C1orf105: variants seen among roughly 807,000 people sequenced by gnomAD.
The protein encoded by C1orf105 is chromosome 1 open reading frame 105.
A neutral mutation model predicts 20.8 loss-of-function variants in C1orf105; 17 were observed. The ratio of observed to expected loss-of-function variants is 0.82; its 90% confidence interval spans 0.56 to 1.23. The LOEUF is 1.23. Among genes scored for constraint, C1orf105 ranks in the 50% most tolerant of loss-of-function variants. C1orf105 has a pLI of 0.00. For missense variants in C1orf105, 219 were observed against 213.5 expected, an observed-to-expected ratio of 1.03 and a Z score of -0.16; for synonymous variants, 72 against 72.1, an observed-to-expected ratio of 1.00 and a Z score of 0.01.
At chr1:172,455,103 C>T (rs937929885) in intron 3 of C1orf105, among the ~76,000 whole-genome samples, 1 of 152,180 alleles carries the variant, frequency 6.6e-6, no homozygotes, top group African/African-American at 2.4e-5. Context: ...CAACCCACAA[C>T]ATTGTAATAC....
intron 1 of C1orf105, among the ~76,000 whole-genome samples, chr1:172,427,594 C>T (rs2071755319): frequency 6.6e-6 from 1 of 152,196 alleles, no homozygotes; most frequent in African/African-American, 2.4e-5. Context: ...CAAAAACCTG[C>T]TCTTTTAAAT....
chr1:172,433,571 C>T (rs570846314), intron 1 of C1orf105, among the ~76,000 whole-genome samples: 1 of 152,166 alleles, frequency 6.6e-6, no homozygotes, highest in Non-Finnish European at 1.5e-5. Context: ...GTTGTCACCA[C>T]CAGGCCTGCC....
At chr1:172,433,432 G>C (rs2071934660) in intron 1 of C1orf105, among the ~76,000 whole-genome samples, 1 of 152,190 alleles carries the variant, frequency 6.6e-6, no homozygotes, top group Non-Finnish European at 1.5e-5. Flanking sequence ...AGCCAGAAGA[G>C]AGTGGGGGCC....
intron 5 of C1orf105, among the ~76,000 whole-genome samples, chr1:172,462,939 ATT>A (rs5778735): frequency 1.4e-4 from 21 of 150,698 alleles, no homozygotes; most frequent in East Asian, 3.9e-4. Context: ...TGCCTGGCTA[ATT>A]TTTTTTTTTC....
intron 2 of C1orf105, among the ~76,000 whole-genome samples, chr1:172,447,754 C>A (rs1368510301): frequency 6.6e-6 from 1 of 152,224 alleles, no homozygotes; most frequent in Non-Finnish European, 1.5e-5. Flanking sequence ...CCCGGCAAAA[C>A]TGCCAGCATT....
chr1:172,449,064 C>T (rs1648321837), intron 3 of C1orf105, among the ~76,000 whole-genome samples: 1 of 152,144 alleles, frequency 6.6e-6, no homozygotes, highest in Non-Finnish European at 1.5e-5. Context: ...GTGAGATAAG[C>T]AATTTTTTCA....
At chr1:172,437,728 TATAATA>T (rs71111014) in intron 1 of C1orf105, among the ~76,000 whole-genome samples, 7,935 of 144,008 alleles carry the variant, frequency 0.055, 265 homozygotes, top group Middle Eastern at 0.13. Flanking sequence ...GAACTTAAAG[TATAATA>T]ATAATAATAA....
At chr1:172,464,390 A>G (rs1649896075) in intron 5 of C1orf105, among the ~76,000 whole-genome samples, 1 of 152,252 alleles carries the variant, frequency 6.6e-6, no homozygotes. Context: ...AGCAGAAACC[A>G]TGAAATGAAT....
rs59822239 is a variant in C1orf105, at chr1:172,438,126, GA to G, written c.22-6937del. On this transcript the variant is annotated intron_variant, in intron 1 of 6. Transcript: ENST00000367727. The stretch of plus-strand genomic sequence containing the variant: ...AGCCGAGTGTTGAGCCTACTGCTCA[GA>G]AAAAAAAAAGATTCCTTTCAAAATA... Among the ~76,000 whole-genome samples, 143 of 148,648 alleles carry G rather than the reference GA, an allele frequency of 9.6e-4. 1 individual carries two copies. Among genetic ancestry groups the G allele is most frequent in the African/African-American group, 3.2e-3 (133 of 40,966 alleles).
intron 3 of C1orf105, 97 bp downstream of exon 3, chr1:172,448,628 T>A: frequency 8.4e-6 from 6 of 713,780 alleles, no homozygotes; most frequent in Non-Finnish European, 1.5e-5. Context: ...GCCCTGTGCT[T>A]GGTACACCAT....
chr1:172,452,013 C>T (rs1369736828), intron 3 of C1orf105, among the ~76,000 whole-genome samples: 1 of 151,638 alleles, frequency 6.6e-6, no homozygotes, highest in African/African-American at 2.4e-5. Flanking sequence ...GCTGGGATTA[C>T]AGGCGCATGC....
intron 2 of C1orf105, among the ~76,000 whole-genome samples, chr1:172,446,763 G>A (rs1648053451): frequency 6.6e-6 from 1 of 152,082 alleles, no homozygotes; most frequent in Non-Finnish European, 1.5e-5. Flanking sequence ...GGCAGCACCT[G>A]TTCACTTTCA....
At chr1:172,434,523 A>T (rs1311862558) in intron 1 of C1orf105, among the ~76,000 whole-genome samples, 1 of 152,240 alleles carries the variant, frequency 6.6e-6, no homozygotes, top group Non-Finnish European at 1.5e-5. Context: ...TAACAAAATG[A>T]AGGCAGAAAT....
intron 5 of C1orf105, among the ~76,000 whole-genome samples, chr1:172,464,227 A>G (rs762198758): frequency 9.2e-5 from 14 of 152,248 alleles, no homozygotes; most frequent in Non-Finnish European, 1.8e-4. Flanking sequence ...TCAGTCCTGA[A>G]CATACCATCT....
Position 172,420,749 on chromosome 1 carries a change from C to A in C1orf105, c.-137C>A. On this transcript the variant is annotated 5_prime_UTR_variant, in exon 1 of 7. Coordinates refer to ENST00000367727, the MANE Select transcript of C1orf105 (RefSeq NM_139240.4). ...TACTGGTATTGAAACTGTAAACTGG[C>A]CTGTTTACTTCGTCTCCTAACAAAA... 1.3e-6 allele frequency: 1 copy of A among 750,374 alleles called. No homozygotes were observed. The allele number at this position is 750,374 out of a possible 1,614,324, so 46.5% of individuals were successfully genotyped here.
At chr1:172,457,813 T>G (rs1222104720) in intron 4 of C1orf105, among the ~76,000 whole-genome samples, 2 of 152,232 alleles carry the variant, frequency 1.3e-5, no homozygotes, top group Non-Finnish European at 2.9e-5. Context: ...TATTGAAGCT[T>G]CTAAAAGGAA....
chr1:172,442,412 T>C (rs1558132430), intron 1 of C1orf105: 1 of 1,614,040 alleles, frequency 6.2e-7, no homozygotes, highest in African/African-American at 1.3e-5. Flanking sequence ...TACCACCAGA[T>C]AACCACAAAA....
intron 1 of C1orf105, among the ~76,000 whole-genome samples, chr1:172,422,881 A>G (rs1325854381): frequency 2.0e-5 from 3 of 152,170 alleles, no homozygotes; most frequent in Non-Finnish European, 4.4e-5. Flanking sequence ...GGTGTTGGAC[A>G]TGAGAAGAAA....
chr1:172,437,476 A>G (rs914935555), intron 1 of C1orf105, among the ~76,000 whole-genome samples: 2 of 151,336 alleles, frequency 1.3e-5, no homozygotes, highest in African/African-American at 4.9e-5. Flanking sequence ...TCAGCAAGCT[A>G]TCACAAGGAC....
Sources: allele counts gnomAD v4.1 joint callset (sites outside exome capture counted in the v4.1 genomes callset), GRCh38; gene constraint gnomAD v4.1.1; transcripts MANE v1.5; gene names NCBI Gene and HGNC (gene_info 2026-07-23, HGNC 2026-07-21).